The following SLIT2 variants were observed in gnomAD, a reference collection of about 807,000 sequenced individuals.
SLIT2 encodes the protein slit homolog 2 protein.
A neutral mutation model predicts 185.7 loss-of-function variants in SLIT2; 41 were observed. The ratio of observed to expected loss-of-function variants is 0.22; its 90% CI spans 0.17 to 0.29. SLIT2 has a LOEUF of 0.29. SLIT2 is among the 10% of genes least tolerant of loss of function. The probability of loss-of-function intolerance (pLI) is 1.00; values close to 1 mark genes in which losing one functional copy is unlikely to be tolerated. For missense variants in SLIT2, 1,571 were observed against 1,909.0 expected, an observed-to-expected ratio of 0.82 and a Z score of 3.30; for synonymous variants, 693 against 680.2, an observed-to-expected ratio of 1.02 and a Z score of -0.29.
intron 4 of SLIT2, among the ~76,000 whole-genome samples, chr4:20,422,940 G>T (rs918702140): frequency 3.3e-5 from 5 of 151,840 alleles, no homozygotes; most frequent in African/African-American, 9.7e-5. Flanking sequence ...GCTTATTGTG[G>T]TGGGGGGTGG....
intron 4 of SLIT2, among the ~76,000 whole-genome samples, chr4:20,339,436 G>C (rs752244393): frequency 6.0e-4 from 91 of 152,232 alleles, no homozygotes; most frequent in Non-Finnish European, 1.2e-3. Context: ...ACAGCAACAA[G>C]AATTTCAGGA....
intron 7 of SLIT2, 29 bp downstream of exon 7, chr4:20,486,300 A>G (rs751859489): frequency 7.3e-6 from 9 of 1,228,688 alleles, no homozygotes; most frequent in Non-Finnish European, 9.6e-6. Flanking sequence ...TGTAAAAGTC[A>G]TATTAATCAA....
chr4:20,551,323 A>T (rs1723729919), intron 25 of SLIT2, among the ~76,000 whole-genome samples: 1 of 152,186 alleles, frequency 6.6e-6, no homozygotes, highest in Non-Finnish European at 1.5e-5. Flanking sequence ...ATTCAGCATC[A>T]ACTGTGGCAC....
chr4:20,504,548 G>C (rs1179663153), intron 9 of SLIT2, among the ~76,000 whole-genome samples: 2 of 152,096 alleles, frequency 1.3e-5, no homozygotes, highest in Admixed American at 6.5e-5. Flanking sequence ...AGCCAGTTAT[G>C]TTGTTTCAGC....
chr4:20,298,648 A>G (rs1174128863), intron 4 of SLIT2, among the ~76,000 whole-genome samples: 1 of 152,302 alleles, frequency 6.6e-6, no homozygotes, highest in African/African-American at 2.4e-5. Flanking sequence ...AAAGCTTATT[A>G]ACCTCAGTGT....
chr4:20,297,555 C>A (rs2322429), intron 4 of SLIT2, among the ~76,000 whole-genome samples: 1 of 151,890 alleles, frequency 6.6e-6, no homozygotes, highest in African/African-American at 2.4e-5. Context: ...TCTGGAAAAT[C>A]GTAATTTTTT....
chr4:20,397,009 A>G (rs1281093708), intron 4 of SLIT2, among the ~76,000 whole-genome samples: 1 of 151,536 alleles, frequency 6.6e-6, no homozygotes, highest in Non-Finnish European at 1.5e-5. Flanking sequence ...TTTCCATAAT[A>G]TTAGTCATCT....
chr4:20,342,144 T>G (rs888430525), intron 4 of SLIT2, among the ~76,000 whole-genome samples: 1 of 152,170 alleles, frequency 6.6e-6, no homozygotes, highest in Non-Finnish European at 1.5e-5. Flanking sequence ...TATTACTAGT[T>G]AATTAATCAC....
At chr4:20,364,776 G>A (rs1429720011) in intron 4 of SLIT2, among the ~76,000 whole-genome samples, 1 of 151,860 alleles carries the variant, frequency 6.6e-6, no homozygotes, top group Non-Finnish European at 1.5e-5. Flanking sequence ...ATAAAACTTT[G>A]GAGATAAATT....
chr4:20,497,769 TAC>T (rs1374152288), intron 9 of SLIT2, among the ~76,000 whole-genome samples: 1 of 152,122 alleles, frequency 6.6e-6, no homozygotes, highest in East Asian at 1.9e-4. Flanking sequence ...TCTGCCCCAA[TAC>T]TTAGCATACC....
chr4:20,599,405 A>G (rs947513451), intron 33 of SLIT2, among the ~76,000 whole-genome samples: 5 of 152,082 alleles, frequency 3.3e-5, no homozygotes, highest in Middle Eastern at 3.2e-3. Flanking sequence ...TAAGTAGTCA[A>G]TTTTTCCAGA....
At chr4:20,443,828 C>A (rs535963883) in intron 4 of SLIT2, among the ~76,000 whole-genome samples, 17 of 152,138 alleles carry the variant, frequency 1.1e-4, no homozygotes, top group African/African-American at 3.1e-4. Flanking sequence ...AGAAGAAGAA[C>A]AAGATGTTAG....
At chr4:20,605,231 GTGTGT>G (rs1429820348) in intron 33 of SLIT2, among the ~76,000 whole-genome samples, 3 of 152,178 alleles carry the variant, frequency 2.0e-5, no homozygotes, top group African/African-American at 7.2e-5. Context: ...ATCATTGTTA[GTGTGT>G]TGTGTGTATG....
chr4:20,332,298 T>A (rs1720130404), intron 4 of SLIT2, among the ~76,000 whole-genome samples: 1 of 152,154 alleles, frequency 6.6e-6, no homozygotes, highest in Non-Finnish European at 1.5e-5. Context: ...CAGATACCCG[T>A]GTTTTATTCC....
intron 4 of SLIT2, among the ~76,000 whole-genome samples, chr4:20,302,473 G>C (rs945464759): frequency 6.6e-6 from 1 of 152,114 alleles, no homozygotes; most frequent in Non-Finnish European, 1.5e-5. Flanking sequence ...TCTATGGGGG[G>C]GATGGAAGGA....
chr4:20,415,410 CAAA>C (rs371123614), intron 4 of SLIT2, among the ~76,000 whole-genome samples: 3 of 65,474 alleles, frequency 4.6e-5, no homozygotes, highest in Non-Finnish European at 8.1e-5. Context: ...GACTCCGTCT[CAAA>C]AAAAAAAAAA....
intron 5 of SLIT2, among the ~76,000 whole-genome samples, chr4:20,472,212 G>A (rs994432424): frequency 9.1e-5 from 11 of 120,710 alleles, no homozygotes; most frequent in Admixed American, 4.1e-4. Context: ...TTAGAAATGT[G>A]TGTGTGTGTG....
At chr4:20,418,869 G>A (rs994846851) in intron 4 of SLIT2, among the ~76,000 whole-genome samples, 2 of 152,164 alleles carry the variant, frequency 1.3e-5, no homozygotes, top group Non-Finnish European at 2.9e-5. Context: ...GGATTATGGT[G>A]TGAACTGTTT....
intron 4 of SLIT2, among the ~76,000 whole-genome samples, chr4:20,298,926 A>G (rs1716773425): frequency 6.6e-6 from 1 of 152,222 alleles, no homozygotes; most frequent in East Asian, 1.9e-4. Context: ...TTGTTTGGAA[A>G]TTGGGGATTG....
Sources: allele counts gnomAD v4.1 joint callset (sites outside exome capture counted in the v4.1 genomes callset), GRCh38; gene constraint gnomAD v4.1.1; transcripts MANE v1.5; gene names NCBI Gene and HGNC (gene_info 2026-07-23, HGNC 2026-07-21).